Variants in FAM43A observed in about 807,000 individuals in gnomAD.
FAM43A encodes family with sequence similarity 43 member A, also known as protein FAM43A.
Under a neutral mutation model 15.7 loss-of-function variants are expected in FAM43A, and 11 were observed. The ratio of observed to expected loss-of-function variants is 0.70; its 90% CI spans 0.44 to 1.16. The LOEUF (loss-of-function observed/expected upper bound fraction) is 1.16, where lower values mean the gene tolerates loss of function less well. Among genes scored for constraint, FAM43A ranks in the 50% most tolerant of loss-of-function variants. The pLI, the probability that FAM43A is intolerant of heterozygous loss-of-function variation, is 0.00. For missense variants in FAM43A, 573 were observed against 620.0 expected, an observed-to-expected ratio of 0.92 and a Z score of 0.80; for synonymous variants, 319 against 291.7, an observed-to-expected ratio of 1.09 and a Z score of -0.96.
rs1246805284 is a variant in FAM43A, at chr3:194,687,596, T to C, written c.770T>C (p.Leu257Pro). Residue 257 changes from leucine to proline, a missense_variant, in exon 1 of 1, where the codon CTG becomes CCG. Physicochemically the swap from Leu to Pro is moderately conservative, Grantham distance 98. Coordinates refer to ENST00000329759, the MANE Select transcript of FAM43A (RefSeq NM_153690.5). ...AAGCTTGGCTCCATCACCGAGGACC[T>C]GCTCGGCGAACAGCTGGAGCAGGAG... ...APKLGSITEDLLGEQLEQELQ... is the reference protein window; with the variant it reads ...APKLGSITEDPLGEQLEQELQ... The C allele has an allele frequency of 3.8e-6, 6 of 1,579,890 alleles. No homozygotes were observed. The African/African-American group carries it at 6.7e-5, about 18-fold the overall frequency.
chr3:194,686,729 GC>G lies in FAM43A; in HGVS notation c.-95del. The G allele has an allele frequency of 8.1e-7, 1 of 1,229,494 alleles. No individual in the cohort carries two copies. The allele number at this position is 1,229,494 out of a possible 1,614,324, so 76.2% of individuals were successfully genotyped here. ...CCCAGTAGTTTTATTCTTCGATCTT[GC>G]CCGGGCCGAGCCTGGCAGGGGCCGG... On this transcript the variant is annotated 5_prime_UTR_variant, in exon 1 of 1. Transcript: ENST00000329759.
In FAM43A at chr3:194,687,546, G is replaced by C; in HGVS notation, c.720G>C (p.Pro240=). The C allele has an allele frequency of 6.3e-7, 1 of 1,582,538 alleles. No homozygotes were observed. The highest frequency in any genetic ancestry group is 1.1e-5 in the South Asian group (1 of 87,094). The change falls in exon 1 of 1, where the codon CCG becomes CCC. Residue 240 remains proline, a synonymous_variant. Transcript: ENST00000329759. ...ACGGACCCTGCTGCTATAAACCGCC[G>C]GTGGAGCGCAGCCGCAGCGCGCCCA... ...LLHGPCCYKP[P]VERSRSAPKL...
In FAM43A at chr3:194,686,252, A is replaced by G. The variant is rs1773219; in HGVS notation, c.-575A>G. On this transcript the variant is annotated 5_prime_UTR_variant, in exon 1 of 1. Coordinates refer to ENST00000329759, the MANE Select transcript of FAM43A (RefSeq NM_153690.5). The stretch of plus-strand genomic sequence containing the variant: ...GACCAGCCCAAACGGGGGGCTTTCC[A>G]TCTCCAGCACCCCTCGGAGGTGGGG... Among the ~76,000 whole-genome samples the G allele has an allele frequency of 0.68, 103,692 of 152,124 alleles. 35,796 individuals carry two copies. Among genetic ancestry groups the G allele is most frequent in the African/African-American group, 0.79 (32,835 of 41,522 alleles).
Position 194,688,005 on chromosome 3 carries a change from C to G in FAM43A, c.1179C>G (p.Ile393Met), listed in dbSNP as rs746235969. ...ACAGCACGGGCAGCGAGAGCTCCAT[C>G]GAGGGCGGGGGCCCTGACGCCACCT... Reference protein sequence around the residue: ...SGDSTGSESSIEGGGPDATSA... With the variant: ...SGDSTGSESSMEGGGPDATSA... The change falls in exon 1 of 1, where the codon ATC becomes ATG. Residue 393 changes from isoleucine (I) to methionine (M), a missense_variant. By Grantham distance (10) the Ile-to-Met change is conservative (BLOSUM62 1). Coordinates refer to ENST00000329759, the MANE Select transcript of FAM43A (RefSeq NM_153690.5). 1 of 1,422,010 alleles carries G rather than the reference C, an allele frequency of 7.0e-7. No homozygotes were observed. Among genetic ancestry groups the G allele is most frequent in the Non-Finnish European group, 9.2e-7 (1 of 1,088,490 alleles). The allele number at this position is 1,422,010 out of a possible 1,614,324, so 88.1% of individuals were successfully genotyped here. A position where few individuals can be genotyped will look rare whatever the true frequency, so the allele number is the denominator to read the frequency against.
Position 194,688,011 on chromosome 3 carries a change from C to T in FAM43A, c.1185C>T (p.Gly395=), listed in dbSNP as rs1478257504. 2.8e-6 allele frequency: 4 copies of T among 1,419,628 alleles called. No homozygotes were observed. The African/African-American group carries it at 4.5e-5, about 16-fold the overall frequency. 87.9% of individuals were successfully genotyped at this position (1,419,628 alleles called of 1,614,324 possible). A position where few individuals can be genotyped will look rare whatever the true frequency, so the allele number is the denominator to read the frequency against. The change falls in exon 1 of 1, where the codon GGC becomes GGT. Residue 395 remains glycine, a synonymous_variant. Transcript: ENST00000329759. The part of the protein sequence containing the change: ...DSTGSESSIE[G]GGPDATSATA... Reference sequence around the variant, plus strand: ...CGGGCAGCGAGAGCTCCATCGAGGGCGGGGGCCCTGACGCCACCTCCGCCA... The same window carrying T: ...CGGGCAGCGAGAGCTCCATCGAGGGTGGGGGCCCTGACGCCACCTCCGCCA...
Position 194,687,587 on chromosome 3 carries a change from C to T in FAM43A, c.761C>T (p.Thr254Ile). Residue 254 changes from threonine to isoleucine, a missense_variant, in exon 1 of 1, where the codon ACC becomes ATC. Coordinates refer to ENST00000329759, the MANE Select transcript of FAM43A (RefSeq NM_153690.5). ...AGCGCGCCCAAGCTTGGCTCCATCA[C>T]CGAGGACCTGCTCGGCGAACAGCTG... The part of the protein sequence containing the change: ...SRSAPKLGSI[T>I]EDLLGEQLEQ... 6.3e-7 allele frequency: 1 copy of T among 1,584,288 alleles called. No homozygotes were observed. The highest frequency in any genetic ancestry group is 8.6e-7 in the Non-Finnish European group (1 of 1,165,070).
Position 194,687,485 on chromosome 3 carries a change from C to T in FAM43A, c.659C>T (p.Thr220Ile), listed in dbSNP as rs1359321957. 18 of 1,538,756 alleles carry T rather than the reference C, an allele frequency of 1.2e-5. No homozygotes were observed. Among genetic ancestry groups the T allele is most frequent in the Non-Finnish European group, 1.6e-5 (18 of 1,139,080 alleles). ...CAGCAGGAGCTGGTGGGCGCACACA[C>T]CATCCCGCTAGTGCCGCTGCGCAAG... ...HQQQELVGAH[T>I]IPLVPLRKLL... is the part of the protein sequence containing the mutation. Residue 220 changes from threonine (T) to isoleucine (I), a missense_variant, in exon 1 of 1, where the codon ACC becomes ATC. Thr to Ile is a moderately conservative substitution (Grantham distance 89). Coordinates refer to ENST00000329759, the MANE Select transcript of FAM43A (RefSeq NM_153690.5).
At position 194,687,294 on chromosome 3, in the gene FAM43A, G is replaced by T. The variant is rs1412891247; in HGVS notation, c.468G>T (p.Val156=). 1 of 1,570,780 alleles carries T rather than the reference G, an allele frequency of 6.4e-7. No homozygotes were observed. The highest frequency in any genetic ancestry group is 1.3e-5 in the African/African-American group (1 of 74,288). The change falls in exon 1 of 1, where the codon GTG becomes GTT. Residue 156 remains valine, a synonymous_variant. Transcript: ENST00000329759. The stretch of plus-strand genomic sequence containing the variant: ...GGCTGCCCAAGGTCTTCGCCTGGGT[G>T]TACCGGCACGAGCTGAAGCACAAGG... ...DARLPKVFAW[V]YRHELKHKAV...
chr3:194,687,182 G>C lies in FAM43A; in HGVS notation c.356G>C (p.Arg119Pro), dbSNP rs771610085. The C allele has an allele frequency of 6.2e-7, 1 of 1,610,008 alleles. No homozygotes were observed. ...CTGACGGTGAGTGCGCAGGGTATCCGCATGGTGCACGCCGAGGAGCGCGCG... is the reference window on the plus strand; with the variant it reads ...CTGACGGTGAGTGCGCAGGGTATCCCCATGGTGCACGCCGAGGAGCGCGCG... ...MKLTVSAQGI[R>P]MVHAEERALR... The change falls in exon 1 of 1, where the codon CGC becomes CCC. Residue 119 changes from arginine (R) to proline (P), a missense_variant. Physicochemically the swap from Arg to Pro is moderately radical, Grantham distance 103. Coordinates refer to ENST00000329759, the MANE Select transcript of FAM43A (RefSeq NM_153690.5).
Position 194,687,533 on chromosome 3 carries a change from G to A in FAM43A, c.707G>A (p.Cys236Tyr). The change falls in exon 1 of 1, where the codon TGC (cysteine) becomes TAC (tyrosine). Residue 236 changes from cysteine to tyrosine, a missense_variant. Coordinates refer to ENST00000329759, the MANE Select transcript of FAM43A (RefSeq NM_153690.5). ...AAGCTGCTCCTACACGGACCCTGCTGCTATAAACCGCCGGTGGAGCGCAGC... is the reference window on the plus strand; with the variant it reads ...AAGCTGCTCCTACACGGACCCTGCTACTATAAACCGCCGGTGGAGCGCAGC... Reference protein sequence around the residue: ...LRKLLLHGPCCYKPPVERSRS... With the variant: ...LRKLLLHGPCYYKPPVERSRS... 5 of 1,574,864 alleles carry A rather than the reference G, an allele frequency of 3.2e-6. No homozygotes were observed. Among genetic ancestry groups the A allele is most frequent in the Non-Finnish European group, 2.6e-6 (3 of 1,160,056 alleles).
At position 194,688,166 on chromosome 3, in the gene FAM43A, C is replaced by G. The variant is rs556168852; in HGVS notation, c.*68C>G. ...CGTGGTCCCGACAACCTCCCTGTCC[C>G]TTGCCCGCCCCCAGGAAGGGGGAAA... On this transcript the variant is annotated 3_prime_UTR_variant, in exon 1 of 1. Coordinates refer to ENST00000329759, the MANE Select transcript of FAM43A (RefSeq NM_153690.5). 2,067 of 1,269,136 alleles carry G rather than the reference C, an allele frequency of 1.6e-3. 5 individuals carry two copies. Among genetic ancestry groups the G allele is most frequent in the Non-Finnish European group, 1.5e-3 (1,518 of 999,658 alleles). 78.6% of individuals were successfully genotyped at this position (1,269,136 alleles called of 1,614,324 possible).
In FAM43A at chr3:194,686,813, G is replaced by C. The variant is rs750740417; in HGVS notation, c.-14G>C. On this transcript the variant is annotated 5_prime_UTR_variant, in exon 1 of 1. Coordinates refer to ENST00000329759, the MANE Select transcript of FAM43A (RefSeq NM_153690.5). Reference sequence around the variant, plus strand: ...CGCCGCCGCCGCCCAGCTGCGCCGGGGCGCCCTCCGGAGATGCTGCCGTGG... The same window carrying C: ...CGCCGCCGCCGCCCAGCTGCGCCGGCGCGCCCTCCGGAGATGCTGCCGTGG... 6 of 1,511,300 alleles carry C rather than the reference G, an allele frequency of 4.0e-6. No homozygotes were observed. The highest frequency in any genetic ancestry group is 5.2e-6 in the Non-Finnish European group (6 of 1,143,364). The allele number at this position is 1,511,300 out of a possible 1,614,324, so 93.6% of individuals were successfully genotyped here.
rs1719439044 is a variant in FAM43A, at chr3:194,687,252, C to G, written c.426C>G (p.Tyr142Ter). The G allele has an allele frequency of 6.3e-7, 1 of 1,599,072 alleles. No homozygotes were observed. The highest frequency in any genetic ancestry group is 8.5e-7 in the Non-Finnish European group (1 of 1,178,534). Residue 142 changes from tyrosine to a stop codon, truncating the protein, a stop_gained, in exon 1 of 1, where the codon TAC (tyrosine) becomes TAG (stop). Coordinates refer to ENST00000329759, the MANE Select transcript of FAM43A (RefSeq NM_153690.5). LOFTEE classifies it high-confidence loss of function. The stretch of plus-strand genomic sequence containing the variant: ...TCTACCTGCTGCACCGCGTCACCTA[C>G]TGCGTGGCCGACGCGCGGCTGCCCA... ...GHLYLLHRVT[Y>*]CVADARLPKV...
At position 194,687,436 on chromosome 3, in the gene FAM43A, C is replaced by T. The variant is rs1208316861; in HGVS notation, c.610C>T (p.Arg204Trp). 2.0e-6 allele frequency: 3 copies of T among 1,535,022 alleles called. No homozygotes were observed. The highest frequency in any genetic ancestry group is 4.0e-5 in the Admixed American group (2 of 50,520). Residue 204 changes from arginine to tryptophan, a missense_variant, in exon 1 of 1, where the codon CGG (arginine) becomes TGG (tryptophan). By Grantham distance (101) the Arg-to-Trp change is moderately radical. Coordinates refer to ENST00000329759, the MANE Select transcript of FAM43A (RefSeq NM_153690.5). Reference sequence around the variant, plus strand: ...GCTGGCGGAATTTAAACGCCTCAAGCGGCGGGACGACGCGCGTCACCAGCA... The same window carrying T: ...GCTGGCGGAATTTAAACGCCTCAAGTGGCGGGACGACGCGCGTCACCAGCA... ...NALAEFKRLK[R>W]RDDARHQQQE...
rs771610085 is a variant in FAM43A at position 194,687,182 on chromosome 3, G to T, written c.356G>T (p.Arg119Leu). 3.7e-6 allele frequency: 6 copies of T among 1,610,006 alleles called. No homozygotes were observed. The highest frequency in any genetic ancestry group is 2.5e-6 in the Non-Finnish European group (3 of 1,179,822). Reference protein sequence around the residue: ...MKLTVSAQGIRMVHAEERALR... With the variant: ...MKLTVSAQGILMVHAEERALR... ...CTGACGGTGAGTGCGCAGGGTATCC[G>T]CATGGTGCACGCCGAGGAGCGCGCG... The change falls in exon 1 of 1, where the codon CGC becomes CTC. Residue 119 changes from arginine (R) to leucine (L), a missense_variant. Physicochemically the swap from Arg to Leu is moderately radical, Grantham distance 102. Transcript: ENST00000329759.
At position 194,687,155 on chromosome 3, in the gene FAM43A, A is replaced by C. The variant is rs1404548588; in HGVS notation, c.329A>C (p.Lys110Thr). Residue 110 changes from lysine to threonine, a missense_variant, in exon 1 of 1, where the codon AAG (lysine) becomes ACG (threonine). Lys to Thr is a moderately conservative substitution (Grantham distance 78). Coordinates refer to ENST00000329759, the MANE Select transcript of FAM43A (RefSeq NM_153690.5). ...SEAGRQGTKM[K>T]LTVSAQGIRM... ...GCGGGCCGTCAGGGCACCAAGATGA[A>C]GCTGACGGTGAGTGCGCAGGGTATC... 1 of 1,612,464 alleles carries C rather than the reference A, an allele frequency of 6.2e-7. No homozygotes were observed. Among genetic ancestry groups the C allele is most frequent in the East Asian group, 2.2e-5 (1 of 44,866 alleles).
rs1719427134 is a variant in FAM43A, at chr3:194,686,796, C to T, written c.-31C>T. The T allele has an allele frequency of 7.7e-6, 11 of 1,432,164 alleles. No individual in the cohort carries two copies. Among genetic ancestry groups the T allele is most frequent in the Non-Finnish European group, 9.0e-6 (10 of 1,106,946 alleles). The allele number at this position is 1,432,164 out of a possible 1,614,324, so 88.7% of individuals were successfully genotyped here. ...CGCACCCGGCGCTCCGCCGCCGCCGCCGCCCAGCTGCGCCGGGGCGCCCTC... is the reference window on the plus strand; with the variant it reads ...CGCACCCGGCGCTCCGCCGCCGCCGTCGCCCAGCTGCGCCGGGGCGCCCTC... On this transcript the variant is annotated 5_prime_UTR_variant, in exon 1 of 1. Transcript: ENST00000329759.
rs539013069 is a variant in FAM43A at position 194,688,273 on chromosome 3, G to A, written c.*175G>A. On this transcript the variant is annotated 3_prime_UTR_variant, in exon 1 of 1. Coordinates refer to ENST00000329759, the MANE Select transcript of FAM43A (RefSeq NM_153690.5). ...CGCTTTCCCCTACCTCCCGGCCCCCGCTCCCGCCCCAGCACTTTTGGCTCT... is the reference window on the plus strand; with the variant it reads ...CGCTTTCCCCTACCTCCCGGCCCCCACTCCCGCCCCAGCACTTTTGGCTCT... The A allele has an allele frequency of 3.3e-5, 24 of 720,782 alleles. No individual in the cohort carries two copies. Among genetic ancestry groups the A allele is most frequent in the East Asian group, 2.4e-4 (7 of 29,246 alleles). The allele number at this position is 720,782 out of a possible 1,614,324, so 44.6% of individuals were successfully genotyped here.
chr3:194,687,765 G>A lies in FAM43A; in HGVS notation c.939G>A (p.Leu313=), dbSNP rs1408728055. The change falls in exon 1 of 1, where the codon TTG becomes TTA. Residue 313 remains leucine (L), a synonymous_variant. Transcript: ENST00000329759. ...CCATGCACTTTGAGTGCGGGGACTT[G>A]TTGGATACTCTGGAGAATGGCCGTG... ...VVAMHFECGD[L]LDTLENGRGE... 1 of 1,526,258 alleles carries A rather than the reference G, an allele frequency of 6.6e-7. No homozygotes were observed. The highest frequency in any genetic ancestry group is 8.8e-7 in the Non-Finnish European group (1 of 1,131,728). The allele number at this position is 1,526,258 out of a possible 1,614,324, so 94.5% of individuals were successfully genotyped here. A position where few individuals can be genotyped will look rare whatever the true frequency, so the allele number is the denominator to read the frequency against.
Sources: gnomAD v4.1 joint callset for allele counts (sites outside exome capture counted in the v4.1 genomes callset) on GRCh38, gnomAD v4.1.1 for gene constraint, MANE v1.5 for transcripts, NCBI Gene and HGNC (gene_info 2026-07-23, HGNC 2026-07-21) for gene names.